ABCB1: variants seen among roughly 807,000 people sequenced by gnomAD.
ABCB1 encodes ATP-dependent translocase ABCB1.
ABCB1 carries 69 observed loss-of-function variants against 142.0 expected under a neutral mutation model. The ratio of observed to expected loss-of-function variants is 0.49; its 90% confidence interval spans 0.40 to 0.59. The LOEUF (loss-of-function observed/expected upper bound fraction) is 0.59. ABCB1 is among the 20% of genes least tolerant of loss of function. The pLI, the probability that ABCB1 is intolerant of heterozygous loss-of-function variation, is 0.00. For synonymous variants in ABCB1, 532 were observed against 539.2 expected, an observed-to-expected ratio of 0.99 and a Z score of 0.18; for missense variants, 1,326 against 1,554.7, an observed-to-expected ratio of 0.85 and a Z score of 2.47.
At chr7:87,540,248 T>G (rs758230212) in intron 18 of ABCB1, among the ~76,000 whole-genome samples, 22 of 152,198 alleles carry the variant, frequency 1.4e-4, no homozygotes, top group Admixed American at 3.3e-4. Flanking sequence ...TACTGCCTCA[T>G]GCAGGCCTGA....
intron 1 of ABCB1, among the ~76,000 whole-genome samples, chr7:87,620,195 C>T (rs1054874571): frequency 6.6e-6 from 1 of 151,474 alleles, no homozygotes; most frequent in African/African-American, 2.4e-5. Flanking sequence ...GAGTCTCGCT[C>T]TGTTGCCCAG....
chr7:87,509,215 A>G, intron 26 of ABCB1, 60 bp downstream of exon 26: 4 of 1,569,772 alleles, frequency 2.5e-6, no homozygotes, highest in Non-Finnish European at 3.5e-6. Flanking sequence ...TTATAAATCA[A>G]ACTATAGGCC....
In ABCB1 at chr7:87,650,306, G is replaced by T. The variant is rs1012062934; in HGVS notation, c.-330-49228C>A. 6.6e-5 allele frequency among the ~76,000 whole-genome samples: 10 copies of T among 152,198 alleles called. No individual in the cohort carries two copies. The South Asian group carries it at 2.1e-3, about 32-fold the overall frequency. Reference sequence around the variant, plus strand: ...GCTTTAACAAATTGTCTTAAACCAGGTAATTTATAAACAACAGAAATTTAT... The same window carrying T: ...GCTTTAACAAATTGTCTTAAACCAGTTAATTTATAAACAACAGAAATTTAT... On this transcript the variant is annotated intron_variant, in intron 1 of 28. Coordinates refer to the ABCB1 transcript ENST00000265724.
At chr7:87,525,841 T>G (rs1815758577) in intron 21 of ABCB1, among the ~76,000 whole-genome samples, 2 of 152,170 alleles carry the variant, frequency 1.3e-5, no homozygotes, top group South Asian at 4.1e-4. Flanking sequence ...GTCTGACTTT[T>G]TCCTTTTTTA....
chr7:87,573,242 T>G (rs529489436), intron 4 of ABCB1, among the ~76,000 whole-genome samples: 14 of 152,226 alleles, frequency 9.2e-5, no homozygotes, highest in African/African-American at 3.1e-4. Flanking sequence ...TGCAGTGGAC[T>G]GTCATTGAAG....
At chr7:87,580,932 T>A (rs750637271) in intron 4 of ABCB1, among the ~76,000 whole-genome samples, 17 of 151,982 alleles carry the variant, frequency 1.1e-4, no homozygotes, top group Admixed American at 2.6e-4. Context: ...CAGTGCCTCT[T>A]TCCTTAATAT....
chr7:87,522,290 A>G, intron 21 of ABCB1: 1 of 803,558 alleles, frequency 1.2e-6, no homozygotes, highest in Non-Finnish European at 2.2e-6. Flanking sequence ...GAAGGGAGGA[A>G]ACTTTGGAGG....
chr7:87,649,513 G>A (rs1335287451), intron 1 of ABCB1, among the ~76,000 whole-genome samples: 1 of 152,132 alleles, frequency 6.6e-6, no homozygotes, highest in African/African-American at 2.4e-5. Flanking sequence ...GTTTGTGCTA[G>A]GAATATGCAG....
At chr7:87,613,031 C>G (rs1336393755) in intron 1 of ABCB1, among the ~76,000 whole-genome samples, 4 of 130,636 alleles carry the variant, frequency 3.1e-5, no homozygotes, top group Non-Finnish European at 4.9e-5. Context: ...TTTTTTTAAT[C>G]TATTGTAAGG....
chr7:87,687,737 T>C (rs1827608489), intron 1 of ABCB1, among the ~76,000 whole-genome samples: 1 of 152,204 alleles, frequency 6.6e-6, no homozygotes, highest in Non-Finnish European at 1.5e-5. Context: ...CATTTTAGAA[T>C]TTCTCTAATC....
intron 1 of ABCB1, among the ~76,000 whole-genome samples, chr7:87,677,462 C>A (rs1202110047): frequency 6.6e-6 from 1 of 151,760 alleles, no homozygotes; most frequent in Non-Finnish European, 1.5e-5. Context: ...AGATATGGAG[C>A]CTAAAAATAG....
At chr7:87,542,342 CT>C (rs1446121345) in intron 17 of ABCB1, among the ~76,000 whole-genome samples, 1 of 152,202 alleles carries the variant, frequency 6.6e-6, no homozygotes, top group Non-Finnish European at 1.5e-5. Flanking sequence ...ATCCTGGCAA[CT>C]ATCTCCAGAA....
chr7:87,603,706 A>G (rs1249231677), upstream of ABCB1, among the ~76,000 whole-genome samples: 1 of 152,228 alleles, frequency 6.6e-6, no homozygotes, highest in Non-Finnish European at 1.5e-5. Context: ...CTAATTTACA[A>G]AAGTTTTCTT....
At chr7:87,693,932 T>G in intron 1 of ABCB1, 1 of 1,611,210 alleles carries the variant, frequency 6.2e-7, no homozygotes. Flanking sequence ...TGCAGATGGC[T>G]GGCTCATCTC....
In ABCB1 at chr7:87,531,293, C is replaced by A; in HGVS notation, c.2685+1G>T. On this transcript the variant is annotated splice_donor_variant, in intron 21 of 27. Transcript: ENST00000622132. LOFTEE classifies it high-confidence loss of function. The stretch of plus-strand genomic sequence containing the variant: ...AATCAATCATATTTAGTTTGACTCA[C>A]CTTCCCAGAACCTTCTAGTTCTTTC... The A allele has an allele frequency of 1.2e-6, 2 of 1,612,254 alleles. No homozygotes were observed. Among genetic ancestry groups the A allele is most frequent in the East Asian group, 2.2e-5 (1 of 44,776 alleles).
intron 1 of ABCB1, among the ~76,000 whole-genome samples, chr7:87,635,759 C>T (rs1290835212): frequency 6.6e-6 from 1 of 152,186 alleles, no homozygotes; most frequent in African/African-American, 2.4e-5. Context: ...AAGACCTCCT[C>T]CTTGCTTTCT....
chr7:87,518,552 C>T (rs1401451189), intron 23 of ABCB1, among the ~76,000 whole-genome samples: 1 of 152,076 alleles, frequency 6.6e-6, no homozygotes, highest in Non-Finnish European at 1.5e-5. Flanking sequence ...AATGCATGAA[C>T]AACTCAATGT....
chr7:87,694,721 A>T (rs929958619), intron 1 of ABCB1, among the ~76,000 whole-genome samples: 7 of 152,178 alleles, frequency 4.6e-5, no homozygotes, highest in Non-Finnish European at 8.8e-5. Context: ...TCATTCCACC[A>T]GTACTTTAAG....
In ABCB1 at chr7:87,626,508, T is replaced by C. The variant is rs552609297; in HGVS notation, c.-330-25430A>G. ...GTCATATATATGTGTCATATATGTGTCATATATATGTGTCATATATATGTG... is the reference window on the plus strand; with the variant it reads ...GTCATATATATGTGTCATATATGTGCCATATATATGTGTCATATATATGTG... On this transcript the variant is annotated intron_variant, in intron 1 of 28. Coordinates refer to the ABCB1 transcript ENST00000265724. Among the ~76,000 whole-genome samples the C allele has an allele frequency of 6.9e-3, 73 of 10,610 alleles. 25 individuals carry two copies. Among genetic ancestry groups the C allele is most frequent in the South Asian group, 0.028 (5 of 180 alleles). The allele number at this position is 10,610 out of a possible 152,430, so 7.0% of individuals were successfully genotyped here.
Sources: gnomAD v4.1 joint callset for allele counts (sites outside exome capture counted in the v4.1 genomes callset) on GRCh38, gnomAD v4.1.1 for gene constraint, MANE v1.5 for transcripts, NCBI Gene and HGNC (gene_info 2026-07-23, HGNC 2026-07-21) for gene names.